WWOX: variants seen among roughly 807,000 people sequenced by gnomAD.
WWOX encodes WW domain containing oxidoreductase.
A neutral mutation model predicts 46.2 loss-of-function variants in WWOX; 69 were observed. That is an observed-to-expected ratio of 1.49 (90% CI 1.23 to 1.82). WWOX has a LOEUF of 1.82. Among genes scored for constraint, WWOX ranks in the 40% most tolerant of loss-of-function variants. The pLI is 0.00. For synonymous variants in WWOX, 359 were observed against 202.6 expected, an observed-to-expected ratio of 1.77 and a Z score of -6.56; for missense variants, 919 against 542.6, an observed-to-expected ratio of 1.69 and a Z score of -6.89.
intron 8 of WWOX, among the ~76,000 whole-genome samples, chr16:78,559,380 T>C (rs1597265891): frequency 6.6e-6 from 1 of 152,260 alleles, no homozygotes; most frequent in South Asian, 2.1e-4. Flanking sequence ...CAGGGATGGA[T>C]ATAGACTAAG....
chr16:78,813,220 C>T (rs1442379888), intron 8 of WWOX, among the ~76,000 whole-genome samples: 3 of 151,904 alleles, frequency 2.0e-5, no homozygotes, highest in African/African-American at 7.3e-5. Context: ...CATAGCGTTA[C>T]CTACCTCACA....
At chr16:79,034,448 C>T (rs1011588208) in intron 8 of WWOX, among the ~76,000 whole-genome samples, 2 of 152,192 alleles carry the variant, frequency 1.3e-5, no homozygotes, top group African/African-American at 2.4e-5. Context: ...TACTCTGGCC[C>T]TCAATTTTCT....
chr16:78,781,555 G>C (rs2050325121), intron 8 of WWOX, among the ~76,000 whole-genome samples: 1 of 152,172 alleles, frequency 6.6e-6, no homozygotes, highest in South Asian at 2.1e-4. Flanking sequence ...GCTTTTGTGT[G>C]CTTCCTATTT....
chr16:78,996,384 C>CCA, intron 8 of WWOX: 4 of 787,450 alleles, frequency 5.1e-6, no homozygotes, highest in Non-Finnish European at 4.5e-6. Context: ...CCACCCCCGC[C>CCA]CCCCAGCTTC....
intron 4 of WWOX, among the ~76,000 whole-genome samples, chr16:78,147,690 TTTTTTTAAA>T (rs2034251709): frequency 2.7e-5 from 3 of 109,098 alleles, no homozygotes; most frequent in Admixed American, 1.0e-4. Flanking sequence ...TTTTTTTTTT[TTTTTTTAAA>T]AAAAAAAAAG....
chr16:78,528,316 C>T (rs912393722), intron 8 of WWOX, among the ~76,000 whole-genome samples: 15 of 151,380 alleles, frequency 9.9e-5, no homozygotes, highest in African/African-American at 2.7e-4. Flanking sequence ...ACCCGCCCTA[C>T]ATGGGTATTC....
At chr16:78,957,841 T>C (rs2046199104) in intron 8 of WWOX, among the ~76,000 whole-genome samples, 1 of 152,220 alleles carries the variant, frequency 6.6e-6, no homozygotes, top group Admixed American at 6.5e-5. Flanking sequence ...GGCCCACTTG[T>C]GCCTTTGTGA....
chr16:79,211,472 A>G (rs1356292459), intron 8 of WWOX, 136 bp from the exon 9 acceptor site: 2 of 1,084,980 alleles, frequency 1.8e-6, no homozygotes, highest in Non-Finnish European at 2.7e-6. Context: ...TCAGCCCAGT[A>G]CCCTTTGCTA....
intron 8 of WWOX, among the ~76,000 whole-genome samples, chr16:78,948,838 C>G (rs979985825): frequency 3.9e-5 from 6 of 152,040 alleles, no homozygotes; most frequent in African/African-American, 1.4e-4. Flanking sequence ...GAAGGTTATC[C>G]TGGGTGATTA....
intron 4 of WWOX, among the ~76,000 whole-genome samples, chr16:78,147,692 TTTTTAA>T (rs1278546081): frequency 7.4e-5 from 8 of 108,606 alleles, no homozygotes; most frequent in Non-Finnish European, 1.3e-4. Flanking sequence ...TTTTTTTTTT[TTTTTAA>T]AAAAAAAAAA....
chr16:78,592,011 C>T (rs775294201), intron 8 of WWOX, among the ~76,000 whole-genome samples: 2 of 152,176 alleles, frequency 1.3e-5, no homozygotes. Context: ...ATTGATTATC[C>T]CTCAAGGTAA....
intron 6 of WWOX, among the ~76,000 whole-genome samples, chr16:78,406,165 G>A (rs2082526890): frequency 6.6e-6 from 1 of 151,026 alleles, no homozygotes; most frequent in African/African-American, 2.4e-5. Context: ...CGTCATTTTT[G>A]CAAAATCACT....
chr16:78,884,986 A>G (rs889977566), intron 8 of WWOX, among the ~76,000 whole-genome samples: 6 of 152,170 alleles, frequency 3.9e-5, no homozygotes, highest in Non-Finnish European at 5.9e-5. Flanking sequence ...CCACCAAGCC[A>G]TCTAGCCCTC....
chr16:79,182,986 G>T (rs72797440), intron 8 of WWOX, among the ~76,000 whole-genome samples: 1 of 152,154 alleles, frequency 6.6e-6, no homozygotes, highest in Non-Finnish European at 1.5e-5. Context: ...TGTACTAGGC[G>T]GGTCAGCATA....
At chr16:78,726,609 A>C (rs2048842655) in intron 8 of WWOX, among the ~76,000 whole-genome samples, 1 of 152,188 alleles carries the variant, frequency 6.6e-6, no homozygotes. Context: ...GAAGGGAGTC[A>C]ACTAAACAAT....
At chr16:78,712,712 G>C (rs993845941) in intron 8 of WWOX, among the ~76,000 whole-genome samples, 5 of 152,060 alleles carry the variant, frequency 3.3e-5, no homozygotes, top group Non-Finnish European at 5.9e-5. Context: ...TATTTTAATT[G>C]AGTTTATGTT....
intron 8 of WWOX, among the ~76,000 whole-genome samples, chr16:78,864,156 G>T (rs1255573288): frequency 6.6e-6 from 1 of 152,104 alleles, no homozygotes; most frequent in East Asian, 1.9e-4. Flanking sequence ...CCTGGGAGTG[G>T]AATTACGGGG....
rs1427739406 is a variant in WWOX, at chr16:79,211,694, C to T, written c.1143C>T (p.Arg381=). Residue 381 remains arginine (R), a synonymous_variant, in exon 9 of 9, where the codon CGC becomes CGT. Transcript: ENST00000566780. ...GGATGTACTTCAACAACTGCTGCCG[C>T]TGCATGCCCTCACCAGAAGCTCAGA... ...LGGMYFNNCC[R]CMPSPEAQSE... is the part of the protein sequence containing the mutation. 4 of 1,614,140 alleles carry T rather than the reference C, an allele frequency of 2.5e-6. No homozygotes were observed. Among genetic ancestry groups the T allele is most frequent in the Admixed American group, 3.3e-5 (2 of 60,016 alleles).
At chr16:78,947,282 C>A (rs1185765441) in intron 8 of WWOX, among the ~76,000 whole-genome samples, 1 of 152,168 alleles carries the variant, frequency 6.6e-6, no homozygotes, top group East Asian at 1.9e-4. Context: ...TTTTAACTCC[C>A]TGTTTCTGCC....
Sources: gnomAD v4.1 joint callset for allele counts (sites outside exome capture counted in the v4.1 genomes callset) on GRCh38, gnomAD v4.1.1 for gene constraint, MANE v1.5 for transcripts, NCBI Gene and HGNC (gene_info 2026-07-23, HGNC 2026-07-21) for gene names.